Variants in CNPY3 observed in about 807,000 individuals in gnomAD.
The protein encoded by CNPY3 is canopy FGF signaling regulator 3.
In CNPY3, 20 loss-of-function variants were observed where a neutral mutation model predicts 32.0. The ratio of observed to expected loss-of-function variants is 0.63; its 90% confidence interval spans 0.44 to 0.91. CNPY3 has a LOEUF of 0.91. CNPY3 is among the 40% of genes least tolerant of loss of function. The pLI, the probability that CNPY3 is intolerant of heterozygous loss-of-function variation, is 0.00. For synonymous variants in CNPY3, 138 were observed against 142.9 expected (o/e 0.97, Z 0.24); for missense variants, 299 against 340.8 (o/e 0.88, Z 0.97).
At chr6:42,929,894 C>T (rs1388752409) in intron 1 of CNPY3, among the ~76,000 whole-genome samples, 173 bp downstream of exon 1, 3 of 152,172 alleles carry the variant, frequency 2.0e-5, no homozygotes, top group African/African-American at 4.8e-5. Context: ...TCCCGGTACC[C>T]CTGGAGTTCA....
chr6:42,937,452 G>C (rs1202858482), intron 3 of CNPY3, among the ~76,000 whole-genome samples: 8 of 152,068 alleles, frequency 5.3e-5, no homozygotes, highest in Admixed American at 6.6e-5. Flanking sequence ...AAATTAGCCG[G>C]GTATGGTGGC....
chr6:42,929,775 G>C (rs1366569916), intron 1 of CNPY3, 54 bp downstream of exon 1: 2 of 1,509,360 alleles, frequency 1.3e-6, no homozygotes, highest in Middle Eastern at 4.7e-4. Context: ...GGCTCCAGCG[G>C]TGGTGCTTGC....
chr6:42,931,729 A>AT (rs1166068659), intron 1 of CNPY3, among the ~76,000 whole-genome samples: 27 of 145,026 alleles, frequency 1.9e-4, no homozygotes, highest in Admixed American at 4.1e-4. Flanking sequence ...TATTATTATT[A>AT]TTATTTTTTT....
chr6:42,929,454 T>G (rs1447188812), upstream of CNPY3: 1 of 1,105,598 alleles, frequency 9.0e-7, no homozygotes, highest in Non-Finnish European at 1.3e-6. Context: ...GGCTAGCTGT[T>G]GTCGTGGTTG....
intron 3 of CNPY3, among the ~76,000 whole-genome samples, chr6:42,936,415 A>T (rs143817553): frequency 6.6e-6 from 1 of 152,316 alleles, no homozygotes; most frequent in African/African-American, 2.4e-5. Context: ...AAACAATCTA[A>T]CTCTACCAAT....
At chr6:42,931,433 C>A (rs190137809) in intron 1 of CNPY3, among the ~76,000 whole-genome samples, 32 of 147,576 alleles carry the variant, frequency 2.2e-4, no homozygotes, top group African/African-American at 7.6e-4. Context: ...TGCAGTGGTG[C>A]GACCTTGACT....
chr6:42,929,107 T>C (rs1767547778), upstream of CNPY3: 1 of 157,900 alleles, frequency 6.3e-6, no homozygotes, highest in South Asian at 1.8e-4. Context: ...AGGAGGGAAG[T>C]GACGTTCGAG....
intron 1 of CNPY3, 75 bp downstream of exon 1, chr6:42,929,796 C>A (rs970939640): frequency 2.7e-6 from 4 of 1,469,610 alleles, no homozygotes; most frequent in South Asian, 1.3e-5. Context: ...GGAGCAGCGT[C>A]GGGGGTTGCA....
At chr6:42,935,727 T>C in intron 3 of CNPY3, 57 bp downstream of exon 3, 2 of 1,558,002 alleles carry the variant, frequency 1.3e-6, no homozygotes, top group African/African-American at 2.7e-5. Flanking sequence ...TGTATCTTAG[T>C]GTGTCTGCTG....
intron 1 of CNPY3, 105 bp from the exon 2 acceptor site, chr6:42,934,370 T>C: frequency 7.0e-7 from 1 of 1,420,230 alleles, no homozygotes; most frequent in East Asian, 2.3e-5. Context: ...CTGATTTTGG[T>C]CCTCCAGTCT....
chr6:42,936,440 G>A (rs1390295357), intron 3 of CNPY3, among the ~76,000 whole-genome samples: 2 of 152,178 alleles, frequency 1.3e-5, no homozygotes, highest in South Asian at 2.1e-4. Context: ...GATTAAATAC[G>A]TTGATCCAGC....
intron 4 of CNPY3, 105 bp from the exon 5 acceptor site, chr6:42,937,985 C>G: frequency 6.9e-7 from 1 of 1,440,934 alleles, no homozygotes; most frequent in Non-Finnish European, 9.7e-7. Flanking sequence ...TTAGGTGAAC[C>G]GCTGCCACTG....
At chr6:42,933,480 G>A (rs1437680559) in intron 1 of CNPY3, among the ~76,000 whole-genome samples, 1 of 152,106 alleles carries the variant, frequency 6.6e-6, no homozygotes, top group Non-Finnish European at 1.5e-5. Context: ...AGGGCATGGA[G>A]CAAATTAACT....
In CNPY3 at chr6:42,930,672, GC is replaced by G. The variant is rs528028135; in HGVS notation, c.151+956del. On this transcript the variant is annotated intron_variant, in intron 1 of 5. Transcript: ENST00000372836. ...GCCTTCCTAGCCCCGTAACCCCAGGGCCCCCAGAAAGTTGGCTGTGAATCTC... is the reference window on the plus strand; with the variant it reads ...GCCTTCCTAGCCCCGTAACCCCAGGGCCCCAGAAAGTTGGCTGTGAATCTC... Among the ~76,000 whole-genome samples, 6 of 152,160 alleles carry G rather than the reference GC, an allele frequency of 3.9e-5. No homozygotes were observed. In the South Asian group the frequency reaches 1.2e-3, roughly 32 times the overall value.
At chr6:42,929,370 T>C (rs1350610639), upstream of CNPY3, 6 of 601,270 alleles carry the variant, frequency 1.0e-5, no homozygotes, top group Non-Finnish European at 1.7e-5. Flanking sequence ...CCAGAAAGCC[T>C]ATTGGCTGCG....
intron 4 of CNPY3, 121 bp downstream of exon 4, chr6:42,937,960 C>A: frequency 6.8e-7 from 1 of 1,479,152 alleles, no homozygotes; most frequent in South Asian, 1.2e-5. Flanking sequence ...TTTCACCTCT[C>A]TGGCCTCAGT....
At chr6:42,933,639 A>G (rs1419785929) in intron 1 of CNPY3, among the ~76,000 whole-genome samples, 3 of 152,174 alleles carry the variant, frequency 2.0e-5, no homozygotes, top group Non-Finnish European at 2.9e-5. Context: ...TAATTGTTCT[A>G]TGGTTATGTA....
Position 42,935,581 on chromosome 6 carries a change from CG to C in CNPY3, c.285del (p.Leu96Ter). 1 of 1,608,130 alleles carries C rather than the reference CG, an allele frequency of 6.2e-7. No homozygotes were observed. Among genetic ancestry groups the C allele is most frequent in the Non-Finnish European group, 8.5e-7 (1 of 1,175,150 alleles). Reference protein sequence around the residue: ...SGVKYTKSDLRLIEVTETICK... With the variant: ...SGVKYTKSDLXLIEVTETICK... ...ATCCTCCTGTCTTGGCAGGGACTTGCGGTTAATCGAAGTCACTGAGACCATT... is the reference window on the plus strand; with the variant it reads ...ATCCTCCTGTCTTGGCAGGGACTTGCGTTAATCGAAGTCACTGAGACCATT... On this transcript the variant is annotated frameshift_variant, in exon 3 of 6. Transcript: ENST00000372836. LOFTEE classifies it high-confidence loss of function.
At chr6:42,929,295 C>A (rs545245460), upstream of CNPY3, 44 of 438,764 alleles carry the variant, frequency 1.0e-4, no homozygotes, top group Non-Finnish European at 1.7e-4. Context: ...GCTGAGGCCA[C>A]CATCTGCTCT....
Sources: allele counts gnomAD v4.1 joint callset (sites outside exome capture counted in the v4.1 genomes callset), GRCh38; gene constraint gnomAD v4.1.1; transcripts MANE v1.5; gene names NCBI Gene and HGNC (gene_info 2026-07-23, HGNC 2026-07-21).